The following PRR5L variants were observed in gnomAD, a reference collection of about 807,000 sequenced individuals.
The protein encoded by PRR5L is proline-rich protein 5-like.
A neutral mutation model predicts 36.4 loss-of-function variants in PRR5L; 21 were observed. The observed-to-expected ratio is 0.58, with a 90% CI of 0.41 to 0.83. PRR5L has a LOEUF of 0.83. Among genes scored for constraint, PRR5L ranks in the 40% least tolerant of loss-of-function variants. PRR5L has a pLI of 0.00. For synonymous variants in PRR5L, 188 were observed against 197.0 expected, an observed-to-expected ratio of 0.95 and a Z score of 0.38; for missense variants, 381 against 473.3, an observed-to-expected ratio of 0.80 and a Z score of 1.81.
At chr11:36,455,496 G>C (rs1388704667) in intron 8 of PRR5L, 2 of 153,000 alleles carry the variant, frequency 1.3e-5, no homozygotes, top group African/African-American at 4.8e-5. Context: ...CCGTGTGAAA[G>C]GGAAGAGGAG....
Position 36,403,518 on chromosome 11 carries a change from G to A in PRR5L, c.245+140G>A, listed in dbSNP as rs1176436754. 4 of 616,720 alleles carry A rather than the reference G, an allele frequency of 6.5e-6. No homozygotes were observed. In the South Asian group the frequency reaches 8.1e-5, roughly 12 times the overall value. The allele number at this position is 616,720 out of a possible 1,614,324, so 38.2% of individuals were successfully genotyped here. Reference sequence around the variant, plus strand: ...TATTGCTTCTTCTGTCAGCTATGCTGCTTTCATGGCTGTTGCGTTCTGAGA... The same window carrying A: ...TATTGCTTCTTCTGTCAGCTATGCTACTTTCATGGCTGTTGCGTTCTGAGA... On this transcript the variant is annotated intron_variant, in intron 3 of 8. Coordinates refer to ENST00000530639, the MANE Select transcript of PRR5L (RefSeq NM_001160167.2).
At chr11:36,457,236 GT>G (rs1372276588) in intron 8 of PRR5L, among the ~76,000 whole-genome samples, 1 of 152,192 alleles carries the variant, frequency 6.6e-6, no homozygotes, top group African/African-American at 2.4e-5. Context: ...TTTCAGCCAT[GT>G]TATAAAATCT....
At chr11:36,391,806 A>G (rs1857568760) in intron 1 of PRR5L, among the ~76,000 whole-genome samples, 1 of 152,186 alleles carries the variant, frequency 6.6e-6, no homozygotes, top group South Asian at 2.1e-4. Context: ...CACTTCAAGC[A>G]TTTCTCCTTT....
intron 1 of PRR5L, among the ~76,000 whole-genome samples, chr11:36,333,354 A>G (rs935621498): frequency 2.6e-5 from 4 of 152,156 alleles, no homozygotes; most frequent in Non-Finnish European, 5.9e-5. Flanking sequence ...TACACCTACC[A>G]TACGACCTGG....
chr11:36,460,494 ATCTCTGTGGTG>A (rs1590616529), intron 8 of PRR5L, among the ~76,000 whole-genome samples: 1 of 151,842 alleles, frequency 6.6e-6, no homozygotes, highest in East Asian at 1.9e-4. Context: ...TCTCTGTAGT[ATCTCTGTGGTG>A]TCTCTAGCGG....
chr11:36,340,162 G>A (rs1421543141), intron 1 of PRR5L, among the ~76,000 whole-genome samples: 3 of 152,288 alleles, frequency 2.0e-5, no homozygotes, highest in East Asian at 3.9e-4. Context: ...CAATCTGTGT[G>A]GTTTTGTTCT....
intron 3 of PRR5L, among the ~76,000 whole-genome samples, chr11:36,404,728 G>T (rs1000659125): frequency 6.6e-6 from 1 of 152,170 alleles, no homozygotes; most frequent in Non-Finnish European, 1.5e-5. Context: ...GGTCATTGAG[G>T]TGTTTTAAGA....
At chr11:36,427,603 T>C (rs1034384335) in intron 4 of PRR5L, among the ~76,000 whole-genome samples, 1 of 152,176 alleles carries the variant, frequency 6.6e-6, no homozygotes, top group Non-Finnish European at 1.5e-5. Flanking sequence ...CAATGCAAGA[T>C]GGCTGCCTGA....
At chr11:36,426,021 T>C (rs946163696) in intron 4 of PRR5L, 7 of 152,168 alleles carry the variant, frequency 4.6e-5, no homozygotes, top group Non-Finnish European at 1.0e-4. Flanking sequence ...TCCACTCGAG[T>C]GCCAGGCACT....
intron 1 of PRR5L, among the ~76,000 whole-genome samples, chr11:36,349,122 TAAAAATAC>T (rs1856896070): frequency 6.6e-6 from 1 of 151,868 alleles, no homozygotes; most frequent in East Asian, 1.9e-4. Flanking sequence ...TGATCTCTAC[TAAAAATAC>T]AAAAATTAGC....
chr11:36,440,755 G>T (rs939543045), intron 6 of PRR5L, among the ~76,000 whole-genome samples: 2 of 152,186 alleles, frequency 1.3e-5, no homozygotes, highest in Non-Finnish European at 2.9e-5. Context: ...AACAAGAAGT[G>T]TAGTTGCCAG....
At chr11:36,459,954 A>G (rs1391273417) in intron 8 of PRR5L, among the ~76,000 whole-genome samples, 1 of 152,210 alleles carries the variant, frequency 6.6e-6, no homozygotes, top group Non-Finnish European at 1.5e-5. Context: ...TAAAATGCCC[A>G]CATAGGGAAT....
intron 7 of PRR5L, among the ~76,000 whole-genome samples, chr11:36,449,020 C>T (rs975096673): frequency 2.0e-5 from 3 of 152,190 alleles, no homozygotes; most frequent in African/African-American, 7.2e-5. Flanking sequence ...CATTAAAGAT[C>T]GTCCCTCTCT....
At chr11:36,417,539 G>T (rs1467272552) in intron 3 of PRR5L, among the ~76,000 whole-genome samples, 1 of 151,532 alleles carries the variant, frequency 6.6e-6, no homozygotes, top group Non-Finnish European at 1.5e-5. Flanking sequence ...TGACAGGGTG[G>T]CCCTCCATGA....
In PRR5L at chr11:36,363,795, A is replaced by G. The variant is rs116467050; in HGVS notation, c.-125-37202A>G. Among the ~76,000 whole-genome samples, 577 of 152,308 alleles carry G rather than the reference A, an allele frequency of 3.8e-3. 5 individuals carry two copies. Among genetic ancestry groups the G allele is most frequent in the African/African-American group, 0.013 (549 of 41,562 alleles). Reference sequence around the variant, plus strand: ...GAGGAAAATGGCCCACCCCTCCCACAAGAATGCCAAGAAGCAATCGGCTGT... The same window carrying G: ...GAGGAAAATGGCCCACCCCTCCCACGAGAATGCCAAGAAGCAATCGGCTGT... On this transcript the variant is annotated intron_variant, in intron 1 of 8. Coordinates refer to ENST00000530639, the MANE Select transcript of PRR5L (RefSeq NM_001160167.2).
intron 5 of PRR5L, among the ~76,000 whole-genome samples, chr11:36,435,920 T>A (rs1235409243): frequency 6.6e-6 from 1 of 152,202 alleles, no homozygotes; most frequent in Non-Finnish European, 1.5e-5. Flanking sequence ...AGCACTATGA[T>A]GAGCAAGACA....
chr11:36,324,956 C>T (rs1480942656), intron 1 of PRR5L, among the ~76,000 whole-genome samples: 1 of 151,950 alleles, frequency 6.6e-6, no homozygotes, highest in African/African-American at 2.4e-5. Flanking sequence ...TAGTATTTTT[C>T]AACAGCATTT....
chr11:36,435,750 T>C (rs1858592431), intron 5 of PRR5L, among the ~76,000 whole-genome samples: 1 of 152,136 alleles, frequency 6.6e-6, no homozygotes, highest in African/African-American at 2.4e-5. Context: ...TCATGCTAAC[T>C]ATTAAGTCCT....
intron 1 of PRR5L, among the ~76,000 whole-genome samples, chr11:36,362,611 T>G (rs187486835): frequency 6.6e-6 from 1 of 152,314 alleles, no homozygotes; most frequent in East Asian, 1.9e-4. Context: ...CTGCTGTTTC[T>G]GTTTGAAAGC....
Sources: gnomAD v4.1 joint callset for allele counts (sites outside exome capture counted in the v4.1 genomes callset) on GRCh38, gnomAD v4.1.1 for gene constraint, MANE v1.5 for transcripts, NCBI Gene and HGNC (gene_info 2026-07-23, HGNC 2026-07-21) for gene names.